The following ZNF462 variants were observed in gnomAD, a reference collection of about 807,000 sequenced individuals.
The protein encoded by ZNF462 is zinc finger protein 462, also known as zinc finger PBX1-interacting protein.
ZNF462 carries 10 observed loss-of-function variants against 201.9 expected under a neutral mutation model. The ratio of observed to expected loss-of-function variants is 0.05; its 90% confidence interval spans 0.03 to 0.08. ZNF462 has a LOEUF of 0.08. Ranked by LOEUF, ZNF462 falls within the 10% of genes least tolerant of loss-of-function variation. The probability of loss-of-function intolerance (pLI) is 1.00; values close to 1 mark genes in which losing one functional copy is unlikely to be tolerated. For missense variants in ZNF462, 2,523 were observed against 3,168.3 expected, an observed-to-expected ratio of 0.80 and a Z score of 4.89; for synonymous variants, 1,227 against 1,193.3, an observed-to-expected ratio of 1.03 and a Z score of -0.58.
At chr9:106,973,432 G>A (rs140949328) in intron 8 of ZNF462, among the ~76,000 whole-genome samples, 1 of 152,298 alleles carries the variant, frequency 6.6e-6, no homozygotes, top group African/African-American at 2.4e-5. Flanking sequence ...ATACATTTGT[G>A]ATTTGGTGCT....
rs186872209 is a variant in ZNF462 at position 106,984,524 on chromosome 9, A to G, written c.7056+115A>G. ...TGTACCAGATGGAGATGTGGACTCA[A>G]AGAGCTTTTAAAGTGAGGTCTAGTT... On this transcript the variant is annotated intron_variant, in intron 10 of 12. Transcript: ENST00000277225. This position sits in a 1 kb window ranked among gnomAD's most constrained non-coding sequence, Gnocchi z 6.4. 8.4e-5 allele frequency: 68 copies of G among 810,368 alleles called. No homozygotes were observed. In the East Asian group the frequency reaches 1.7e-3, roughly 20 times the overall value. 50.2% of individuals were successfully genotyped at this position (810,368 alleles called of 1,614,324 possible). A position where few individuals can be genotyped will look rare whatever the true frequency, so the allele number is the denominator to read the frequency against.
intron 1 of ZNF462, among the ~76,000 whole-genome samples, chr9:106,873,808 C>T (rs1014592492): frequency 1.4e-4 from 21 of 152,282 alleles, no homozygotes; most frequent in African/African-American, 3.6e-4. Flanking sequence ...GATATCCCTA[C>T]GGTATCCGAG....
At chr9:106,874,822 A>G (rs897012404) in intron 1 of ZNF462, among the ~76,000 whole-genome samples, 4 of 152,146 alleles carry the variant, frequency 2.6e-5, no homozygotes, top group Non-Finnish European at 5.9e-5. Flanking sequence ...TCCCTGCCCC[A>G]TGGTTGACTC....
rs975609347 is a variant in ZNF462, at chr9:106,872,440, G to A, written c.-31+9085G>A. The stretch of plus-strand genomic sequence containing the variant: ...GTGCAGTGGCACGATCTCCACTTAA[G>A]CAACTGCTGCCTCCCAGGTTCAAGC... On this transcript the variant is annotated intron_variant, in intron 1 of 12. Coordinates refer to ENST00000277225, the MANE Select transcript of ZNF462 (RefSeq NM_021224.6). The surrounding 1 kb of genome is among the most constrained non-coding windows in gnomAD (Gnocchi z 4.5). Among the ~76,000 whole-genome samples the A allele has an allele frequency of 6.6e-6, 1 of 152,132 alleles. No individual in the cohort carries two copies. Among genetic ancestry groups the A allele is most frequent in the Non-Finnish European group, 1.5e-5 (1 of 68,040 alleles).
At position 106,911,800 on chromosome 9, in the gene ZNF462, C is replaced by T. The variant is rs185036232; in HGVS notation, c.-30-11554C>T. Among the ~76,000 whole-genome samples, 913 of 152,168 alleles carry T rather than the reference C, an allele frequency of 6.0e-3. 8 individuals carry two copies. The highest frequency in any genetic ancestry group is 8.9e-3 in the Non-Finnish European group (603 of 68,002). On this transcript the variant is annotated intron_variant, in intron 1 of 12. Coordinates refer to ENST00000277225, the MANE Select transcript of ZNF462 (RefSeq NM_021224.6). ...GATAGTTTAAAAGTTAAAGATGATT[C>T]CCAGACTTTCTGATACATTTAGATT...
chr9:106,860,549 G>A (rs767807801), upstream of ZNF462, among the ~76,000 whole-genome samples: 2 of 152,142 alleles, frequency 1.3e-5, no homozygotes, highest in Non-Finnish European at 2.9e-5. This position sits in a 1 kb window ranked among gnomAD's most constrained non-coding sequence, Gnocchi z 7.1. Flanking sequence ...AGCCAACCCA[G>A]AAGGTACCTT....
At chr9:106,921,443 A>G (rs1018162593) in intron 1 of ZNF462, among the ~76,000 whole-genome samples, 1 of 152,218 alleles carries the variant, frequency 6.6e-6, no homozygotes, top group Non-Finnish European at 1.5e-5. Context: ...TTAGCCTAGC[A>G]GACTCCAGGA....
chr9:106,875,745 CTG>C (rs1827803380), intron 1 of ZNF462, among the ~76,000 whole-genome samples: 1 of 152,204 alleles, frequency 6.6e-6, no homozygotes, highest in Admixed American at 6.5e-5. Context: ...CAGTGTGACA[CTG>C]TGAATCACTG....
At chr9:106,887,832 TGTAGTACATTTAGAAA>T (rs1486766372) in intron 1 of ZNF462, among the ~76,000 whole-genome samples, 1 of 152,220 alleles carries the variant, frequency 6.6e-6, no homozygotes, top group African/African-American at 2.4e-5. Context: ...ACATAGTTTA[TGTAGTACATTTAGAAA>T]GAAAGACTGA....
At chr9:106,881,829 C>A (rs7873103) in intron 1 of ZNF462, among the ~76,000 whole-genome samples, 65,044 of 152,000 alleles carry the variant, frequency 0.43, 16,917 homozygotes, top group African/African-American at 0.74. Flanking sequence ...AAAAGGGAAG[C>A]AAAGTACCTT....
intron 1 of ZNF462, among the ~76,000 whole-genome samples, chr9:106,889,587 G>C (rs933522246): frequency 1.3e-5 from 2 of 152,188 alleles, no homozygotes; most frequent in Non-Finnish European, 2.9e-5. Context: ...CTGTTTTCCT[G>C]TTACTGAATG....
Position 106,927,407 on chromosome 9 carries a change from C to T in ZNF462, c.3495C>T (p.Gly1165=). 2 of 1,614,068 alleles carry T rather than the reference C, an allele frequency of 1.2e-6. No individual in the cohort carries two copies. The highest frequency in any genetic ancestry group is 1.7e-6 in the Non-Finnish European group (2 of 1,179,996). ...TGAGAGGGGTCGAAGGGCCCCAAGGCTCCCCCCGGCCACCCGCCCCCATAC... is the reference window on the plus strand; with the variant it reads ...TGAGAGGGGTCGAAGGGCCCCAAGGTTCCCCCCGGCCACCCGCCCCCATAC... ...AMMRGVEGPQ[G]SPRPPAPIQQ... The change falls in exon 3 of 13, where the codon GGC becomes GGT. Residue 1165 remains glycine (G), a synonymous_variant. Coordinates refer to ENST00000277225, the MANE Select transcript of ZNF462 (RefSeq NM_021224.6).
intron 1 of ZNF462, among the ~76,000 whole-genome samples, chr9:106,864,461 T>C (rs963314965): frequency 2.0e-5 from 3 of 151,896 alleles, no homozygotes; most frequent in Non-Finnish European, 2.9e-5. Context: ...CGCCCCCCAT[T>C]GGAGCAGCCC....
At chr9:106,881,555 C>T (rs1214605535) in intron 1 of ZNF462, among the ~76,000 whole-genome samples, 3 of 152,134 alleles carry the variant, frequency 2.0e-5, no homozygotes, top group African/African-American at 7.2e-5. Flanking sequence ...CACAAAAAAT[C>T]CTAATTTTCT....
chr9:106,944,896 C>T (rs946573340), intron 7 of ZNF462, among the ~76,000 whole-genome samples: 2 of 152,186 alleles, frequency 1.3e-5, no homozygotes, highest in Admixed American at 1.3e-4. Flanking sequence ...TATGCAGTCT[C>T]TGTCACAACT....
intron 1 of ZNF462, among the ~76,000 whole-genome samples, chr9:106,879,153 G>A (rs907699587): frequency 9.2e-5 from 14 of 152,176 alleles, no homozygotes; most frequent in Admixed American, 5.9e-4. Flanking sequence ...CAGGTCTGCC[G>A]AGCCAGCAGT....
In ZNF462 at chr9:106,930,515, A is replaced by AT; in HGVS notation, c.5848-6dup. ...TCGGAGTACTGATGGCTACCACTGT[A>AT]TTTTACCAGCCTTTTGGTCACTTAG... On this transcript the variant is annotated splice_polypyrimidine_tract_variant and intron_variant, in intron 3 of 12. Transcript: ENST00000277225. The surrounding 1 kb of genome is among the most constrained non-coding windows in gnomAD (Gnocchi z 5.8). 6.2e-7 allele frequency: 1 copy of AT among 1,613,996 alleles called. No individual in the cohort carries two copies. The highest frequency in any genetic ancestry group is 8.5e-7 in the Non-Finnish European group (1 of 1,179,912).
rs1282790342 is a variant in ZNF462, at chr9:106,968,368, G to C, written c.6428-3637G>C. Among the ~76,000 whole-genome samples the C allele has an allele frequency of 2.6e-5, 4 of 152,100 alleles. No individual in the cohort carries two copies. The highest frequency in any genetic ancestry group is 4.8e-5 in the African/African-American group (2 of 41,406). On this transcript the variant is annotated intron_variant, in intron 7 of 12. Transcript: ENST00000277225. The surrounding 1 kb of genome is among the most constrained non-coding windows in gnomAD (Gnocchi z 4.0). Reference sequence around the variant, plus strand: ...ATTGCTAAAATTCTAATTTGATCCTGATTTTAATTCATTTCTTATGATAGC... The same window carrying C: ...ATTGCTAAAATTCTAATTTGATCCTCATTTTAATTCATTTCTTATGATAGC...
At chr9:106,992,636 T>G (rs1828374208) in intron 10 of ZNF462, among the ~76,000 whole-genome samples, 1 of 152,078 alleles carries the variant, frequency 6.6e-6, no homozygotes, top group African/African-American at 2.4e-5. Flanking sequence ...AGACTACGTA[T>G]TTTATGATTC....
Sources: allele counts gnomAD v4.1 joint callset (sites outside exome capture counted in the v4.1 genomes callset), GRCh38; gene constraint gnomAD v4.1.1; non-coding constraint Gnocchi (gnomAD v3.1); transcripts MANE v1.5; gene names NCBI Gene and HGNC (gene_info 2026-07-23, HGNC 2026-07-21).